The following MCHR2 variants were observed in gnomAD, a reference collection of about 807,000 sequenced individuals.
MCHR2 encodes the protein melanin-concentrating hormone receptor 2.
Under a neutral mutation model 24.8 loss-of-function variants are expected in MCHR2, and 15 were observed. That is an observed-to-expected ratio of 0.60 (90% CI 0.40 to 0.93). The LOEUF (loss-of-function observed/expected upper bound fraction) is 0.93. Among genes scored for constraint, MCHR2 ranks in the 40% least tolerant of loss-of-function variants. The pLI is 0.00. For missense variants in MCHR2, 386 were observed against 408.7 expected, an observed-to-expected ratio of 0.94 and a Z score of 0.48; for synonymous variants, 151 against 147.6, an observed-to-expected ratio of 1.02 and a Z score of -0.17.
At chr6:99,923,100 C>T (rs1400987336) in intron 5 of MCHR2, among the ~76,000 whole-genome samples, 1 of 151,944 alleles carries the variant, frequency 6.6e-6, no homozygotes, top group Non-Finnish European at 1.5e-5. Context: ...TTATAGAGAT[C>T]TTTCACTTCT....
chr6:99,966,637 T>C (rs1775300411), intron 1 of MCHR2, among the ~76,000 whole-genome samples: 1 of 152,198 alleles, frequency 6.6e-6, no homozygotes, highest in African/African-American at 2.4e-5. Context: ...ATCTTTGTGT[T>C]TTTAATAGAC....
At chr6:99,948,568 A>G (rs1463155117) in intron 2 of MCHR2, among the ~76,000 whole-genome samples, 1 of 152,168 alleles carries the variant, frequency 6.6e-6, no homozygotes, top group Non-Finnish European at 1.5e-5. Flanking sequence ...ACAGATCATG[A>G]GCCAGAACCA....
At chr6:99,969,257 C>T (rs1192546357) in intron 1 of MCHR2, among the ~76,000 whole-genome samples, 1 of 151,798 alleles carries the variant, frequency 6.6e-6, no homozygotes, top group South Asian at 2.1e-4. Context: ...GGGAGGATCA[C>T]GATGTTAGGA....
At chr6:99,985,974 AG>A (rs1398084962) in intron 1 of MCHR2, among the ~76,000 whole-genome samples, 2 of 152,164 alleles carry the variant, frequency 1.3e-5, no homozygotes, top group African/African-American at 4.8e-5. Context: ...ACAAATCAAG[AG>A]GAAAAAAACT....
At chr6:99,956,203 A>C in intron 1 of MCHR2, 29 bp from the exon 2 acceptor site, 1 of 1,420,598 alleles carries the variant, frequency 7.0e-7, no homozygotes, top group Non-Finnish European at 9.6e-7. Flanking sequence ...TGATTTATTT[A>C]GTGAACATTC....
intron 5 of MCHR2, among the ~76,000 whole-genome samples, chr6:99,923,412 G>A (rs2114483393): frequency 6.6e-6 from 1 of 152,062 alleles, no homozygotes; most frequent in Non-Finnish European, 1.5e-5. Flanking sequence ...CTCTAGCTAG[G>A]ACCTCAGTAC....
chr6:99,946,633 A>C (rs889235619), intron 3 of MCHR2, among the ~76,000 whole-genome samples: 3 of 152,150 alleles, frequency 2.0e-5, no homozygotes, highest in Non-Finnish European at 4.4e-5. Context: ...TTGGTGGACC[A>C]AGACCCTGCC....
chr6:99,931,542 G>C (rs1455335119), intron 5 of MCHR2, among the ~76,000 whole-genome samples: 1 of 152,192 alleles, frequency 6.6e-6, no homozygotes, highest in South Asian at 2.1e-4. Flanking sequence ...CCTGGGCAAT[G>C]GCGGGCAACC....
chr6:99,971,567 C>G (rs967032682), intron 1 of MCHR2, among the ~76,000 whole-genome samples: 18 of 152,040 alleles, frequency 1.2e-4, no homozygotes, highest in Admixed American at 1.3e-4. Flanking sequence ...TCTCCTGCCT[C>G]ATTGCCCTGG....
intron 1 of MCHR2, among the ~76,000 whole-genome samples, chr6:99,966,875 C>T (rs1375535871): frequency 6.6e-6 from 1 of 151,690 alleles, no homozygotes; most frequent in Non-Finnish European, 1.5e-5. Context: ...AGGAAAACTC[C>T]CCCTAATTTT....
At chr6:99,991,758 G>T (rs576966570) in intron 1 of MCHR2, among the ~76,000 whole-genome samples, 16 of 139,738 alleles carry the variant, frequency 1.1e-4, no homozygotes, top group African/African-American at 4.3e-4. Context: ...AGTGAGCAGA[G>T]ACCGCGCGAC....
At chr6:99,941,256 T>TTC (rs1774764515) in intron 4 of MCHR2, among the ~76,000 whole-genome samples, 1 of 150,324 alleles carries the variant, frequency 6.7e-6, no homozygotes. Flanking sequence ...TTTTTTTTTT[T>TTC]CACTTCTCTG....
intron 4 of MCHR2, among the ~76,000 whole-genome samples, chr6:99,937,087 T>G (rs1222427893): frequency 6.6e-6 from 1 of 152,002 alleles, no homozygotes; most frequent in Non-Finnish European, 1.5e-5. Flanking sequence ...TGAATTCATT[T>G]ATCAGTTTTA....
chr6:99,980,694 C>T (rs1775652460), intron 1 of MCHR2, among the ~76,000 whole-genome samples: 1 of 151,954 alleles, frequency 6.6e-6, no homozygotes, highest in Non-Finnish European at 1.5e-5. Flanking sequence ...AAAAAAATAC[C>T]CTCTATATTG....
At chr6:99,934,644 C>T (rs1774619957) in intron 4 of MCHR2, 127 bp from the exon 5 acceptor site, 2 of 837,182 alleles carry the variant, frequency 2.4e-6, no homozygotes, top group Non-Finnish European at 3.4e-6. Flanking sequence ...GATGAAAGTC[C>T]TTGTGGAAAA....
intron 4 of MCHR2, among the ~76,000 whole-genome samples, chr6:99,942,329 C>T (rs76351556): frequency 0.14 from 20,550 of 152,110 alleles, 1,614 homozygotes; most frequent in Non-Finnish European, 0.17. Flanking sequence ...TCTGGCAATC[C>T]TTGGTGTTCC....
intron 1 of MCHR2, among the ~76,000 whole-genome samples, chr6:99,986,632 A>C (rs551842048): frequency 1.3e-5 from 2 of 152,248 alleles, no homozygotes; most frequent in East Asian, 1.9e-4. Flanking sequence ...GTACATGTGG[A>C]CATACAGAGA....
At chr6:99,992,520 A>G (rs923602249) in intron 1 of MCHR2, among the ~76,000 whole-genome samples, 6 of 152,134 alleles carry the variant, frequency 3.9e-5, no homozygotes, top group African/African-American at 1.4e-4. Context: ...TGGTTCTCTC[A>G]CAGCATCTTG....
chr6:99,977,260 T>C (rs1023470303), intron 1 of MCHR2, among the ~76,000 whole-genome samples: 1 of 152,208 alleles, frequency 6.6e-6, no homozygotes, highest in African/African-American at 2.4e-5. Flanking sequence ...CGAATGTTCT[T>C]TGAGGATTTG....
Sources: allele counts gnomAD v4.1 joint callset (sites outside exome capture counted in the v4.1 genomes callset), GRCh38; gene constraint gnomAD v4.1.1; transcripts MANE v1.5; gene names NCBI Gene and HGNC (gene_info 2026-07-23, HGNC 2026-07-21).